Variants in CPSF3 observed in about 807,000 individuals in gnomAD.
CPSF3 encodes cleavage and polyadenylation specific factor 3, also known as cleavage and polyadenylation specificity factor subunit 3.
A neutral mutation model predicts 84.1 loss-of-function variants in CPSF3; 57 were observed. The ratio of observed to expected loss-of-function variants is 0.68; its 90% CI spans 0.55 to 0.85. The LOEUF is 0.85. CPSF3 is among the 40% of genes least tolerant of loss of function. The pLI is 0.00. For synonymous variants in CPSF3, 275 were observed against 278.1 expected, an observed-to-expected ratio of 0.99 and a Z score of 0.11; for missense variants, 522 against 838.8, an observed-to-expected ratio of 0.62 and a Z score of 4.66.
chr2:9,449,040 A>G (rs1048022140), intron 11 of CPSF3, among the ~76,000 whole-genome samples: 2 of 152,090 alleles, frequency 1.3e-5, no homozygotes, highest in East Asian at 1.9e-4. Flanking sequence ...CTCTAAACAT[A>G]TATGTTTGTG....
chr2:9,458,029 C>G (rs771677684), intron 14 of CPSF3, among the ~76,000 whole-genome samples: 1 of 151,956 alleles, frequency 6.6e-6, no homozygotes, highest in Non-Finnish European at 1.5e-5. Flanking sequence ...ATTTTTAAAA[C>G]AAAAAAGATT....
intron 15 of CPSF3, among the ~76,000 whole-genome samples, chr2:9,466,230 A>G (rs1401935926): frequency 6.7e-6 from 1 of 148,282 alleles, no homozygotes; most frequent in Non-Finnish European, 1.5e-5. Flanking sequence ...ACGCACACAC[A>G]CACGTGCGCG....
At chr2:9,454,103 T>G (rs1035756742) in intron 12 of CPSF3, among the ~76,000 whole-genome samples, 4 of 151,958 alleles carry the variant, frequency 2.6e-5, no homozygotes, top group African/African-American at 9.7e-5. Context: ...TATATGTGCT[T>G]TATGCAGGAA....
intron 6 of CPSF3, among the ~76,000 whole-genome samples, chr2:9,435,093 A>G (rs1038412400): frequency 6.6e-6 from 1 of 152,246 alleles, no homozygotes; most frequent in Non-Finnish European, 1.5e-5. Context: ...AAATTTTAAT[A>G]TGCTTATAAT....
chr2:9,467,432 T>C (rs949250553), intron 15 of CPSF3, among the ~76,000 whole-genome samples: 1 of 152,204 alleles, frequency 6.6e-6, no homozygotes, highest in East Asian at 1.9e-4. Context: ...AGTGTCATTT[T>C]GTGGTTCTTT....
intron 15 of CPSF3, among the ~76,000 whole-genome samples, chr2:9,466,175 TACACGCACACACAC>T (rs1572808632): frequency 2.6e-5 from 3 of 116,634 alleles, no homozygotes; most frequent in African/African-American, 8.7e-5. Context: ...ACCCTGTCTC[TACACGCACACACAC>T]ACGCGCTCAC....
At chr2:9,463,117 A>G (rs1357714808) in intron 15 of CPSF3, among the ~76,000 whole-genome samples, 2 of 152,226 alleles carry the variant, frequency 1.3e-5, no homozygotes, top group Non-Finnish European at 2.9e-5. Context: ...ACATTCTGGC[A>G]TGTCCCAGGG....
chr2:9,468,967 AC>A (rs1558467936), intron 16 of CPSF3, among the ~76,000 whole-genome samples: 1 of 152,154 alleles, frequency 6.6e-6, no homozygotes, highest in African/African-American at 2.4e-5. Flanking sequence ...AAAATGATAG[AC>A]TTTAAATGAT....
rs1206989056 is a variant in CPSF3 at position 9,423,766 on chromosome 2, C to T, written c.-8C>T. 1 of 1,613,494 alleles carries T rather than the reference C, an allele frequency of 6.2e-7. No homozygotes were observed. Among genetic ancestry groups the T allele is most frequent in the Admixed American group, 1.7e-5 (1 of 59,946 alleles). On this transcript the variant is annotated 5_prime_UTR_variant, in exon 1 of 18. Coordinates refer to ENST00000238112, the MANE Select transcript of CPSF3 (RefSeq NM_016207.4). ...TCCTCACCCCCGCTTCGCCCTCACA[C>T]TTTCGGGATGTCTGCGATTCCTGCT... is the stretch of plus-strand genomic sequence containing the variant.
chr2:9,433,343 G>A (rs1279822169), intron 5 of CPSF3, among the ~76,000 whole-genome samples: 1 of 152,208 alleles, frequency 6.6e-6, no homozygotes, highest in Non-Finnish European at 1.5e-5. Flanking sequence ...CAATGCTCTA[G>A]TGTCACGTCC....
intron 11 of CPSF3, among the ~76,000 whole-genome samples, chr2:9,450,768 A>G (rs1029808376): frequency 6.6e-6 from 1 of 152,202 alleles, no homozygotes; most frequent in Admixed American, 6.5e-5. Flanking sequence ...AGCCTGAGCA[A>G]CAGAGCAAGA....
intron 17 of CPSF3, among the ~76,000 whole-genome samples, chr2:9,472,612 A>T (rs1310453730): frequency 6.6e-6 from 1 of 152,074 alleles, no homozygotes; most frequent in Non-Finnish European, 1.5e-5. Context: ...GTTCTGTTTC[A>T]TGGTAATCAG....
intron 12 of CPSF3, among the ~76,000 whole-genome samples, chr2:9,453,631 G>A (rs1199741446): frequency 1.3e-5 from 2 of 152,204 alleles, no homozygotes; most frequent in Non-Finnish European, 2.9e-5. Context: ...AGTAGCTCAC[G>A]CCTGTAATCC....
intron 10 of CPSF3, among the ~76,000 whole-genome samples, 168 bp from the exon 11 acceptor site, chr2:9,448,030 A>G (rs1308899141): frequency 6.6e-6 from 1 of 152,366 alleles, no homozygotes; most frequent in East Asian, 1.9e-4. Context: ...GAATATGTGT[A>G]TACAAGTTGA....
intron 14 of CPSF3, among the ~76,000 whole-genome samples, chr2:9,459,010 G>T (rs60344190): frequency 0.068 from 10,290 of 151,800 alleles, 1,198 homozygotes; most frequent in African/African-American, 0.24. Context: ...TACTTGGGAG[G>T]CTGAGGCAGC....
chr2:9,466,283 T>A (rs1229809638), intron 15 of CPSF3, among the ~76,000 whole-genome samples: 1 of 78,986 alleles, frequency 1.3e-5, no homozygotes. Context: ...CGCACACACG[T>A]GCGCACACAG....
chr2:9,466,326 A>AC (rs70948820), intron 15 of CPSF3, among the ~76,000 whole-genome samples: 10 of 67,472 alleles, frequency 1.5e-4, no homozygotes, highest in Non-Finnish European at 3.4e-4. Flanking sequence ...GCACGCACAC[A>AC]GACGCACGCA....
chr2:9,458,861 C>T (rs964335267), intron 14 of CPSF3, among the ~76,000 whole-genome samples: 2 of 151,950 alleles, frequency 1.3e-5, no homozygotes, highest in African/African-American at 4.8e-5. Flanking sequence ...GCCTGTAATC[C>T]CAGCACTTTG....
At chr2:9,448,674 A>G (rs1681207609) in intron 11 of CPSF3, among the ~76,000 whole-genome samples, 1 of 152,132 alleles carries the variant, frequency 6.6e-6, no homozygotes, top group Non-Finnish European at 1.5e-5. Flanking sequence ...CTCCTGCCTC[A>G]GCCTCCTGAG....
Sources: allele counts gnomAD v4.1 joint callset (sites outside exome capture counted in the v4.1 genomes callset), GRCh38; gene constraint gnomAD v4.1.1; transcripts MANE v1.5; gene names NCBI Gene and HGNC (gene_info 2026-07-23, HGNC 2026-07-21).